Variants in SLC25A48 observed in about 807,000 individuals in gnomAD.
SLC25A48 encodes solute carrier family 25 member 48, also known as CTC-321K16.1.
In SLC25A48, 29 loss-of-function variants were observed where a neutral mutation model predicts 32.2. The observed-to-expected ratio is 0.90, with a 90% CI of 0.67 to 1.23. The LOEUF (loss-of-function observed/expected upper bound fraction) is 1.23, where lower values mean the gene tolerates loss of function less well. SLC25A48 is among the 50% of genes most tolerant of loss of function. SLC25A48 has a pLI of 0.00. For synonymous variants in SLC25A48, 164 were observed against 172.3 expected (o/e 0.95, Z 0.38); for missense variants, 399 against 422.7 (o/e 0.94, Z 0.49).
chr5:135,676,067 A>T (rs1392473757), intron 3 of SLC25A48, among the ~76,000 whole-genome samples: 1 of 151,888 alleles, frequency 6.6e-6, no homozygotes, highest in Non-Finnish European at 1.5e-5. Flanking sequence ...ATCCTGCAAC[A>T]TTACTGAATT....
intron 3 of SLC25A48, among the ~76,000 whole-genome samples, chr5:135,811,650 A>G (rs1356723746): frequency 6.6e-6 from 1 of 152,244 alleles, no homozygotes; most frequent in Admixed American, 6.5e-5. Context: ...ATCAGGTTTT[A>G]CATAATACAG....
At chr5:135,772,764 C>A (rs1396140044) in intron 3 of SLC25A48, among the ~76,000 whole-genome samples, 1 of 150,558 alleles carries the variant, frequency 6.6e-6, no homozygotes, top group Non-Finnish European at 1.5e-5. Flanking sequence ...TTCGTAATAT[C>A]CAAGAGAGGA....
At chr5:135,852,442 C>T (rs1759949008) in intron 3 of SLC25A48, 121 bp from the exon 4 acceptor site, 3 of 1,260,794 alleles carry the variant, frequency 2.4e-6, no homozygotes, top group Non-Finnish European at 3.3e-6. Context: ...CATCAGCACC[C>T]TCTTCCCCTC....
chr5:135,691,201 A>C (rs1754135930), intron 3 of SLC25A48, among the ~76,000 whole-genome samples: 1 of 152,180 alleles, frequency 6.6e-6, no homozygotes, highest in African/African-American at 2.4e-5. Flanking sequence ...GCAATTAAGC[A>C]CTCCCAGGGT....
intron 3 of SLC25A48, among the ~76,000 whole-genome samples, chr5:135,710,138 G>T (rs1754619396): frequency 6.6e-6 from 1 of 152,228 alleles, no homozygotes; most frequent in African/African-American, 2.4e-5. Context: ...GTGTGTCACT[G>T]CTGCCTTGGT....
At chr5:135,650,487 G>A (rs947205653) in intron 3 of SLC25A48, 1 of 455,262 alleles carries the variant, frequency 2.2e-6, no homozygotes, top group African/African-American at 2.0e-5. Flanking sequence ...GGAGGGTGCT[G>A]CCTTGGAGAA....
At chr5:135,599,564 G>A (rs1383087223) in intron 1 of SLC25A48, among the ~76,000 whole-genome samples, 1 of 152,202 alleles carries the variant, frequency 6.6e-6, no homozygotes, top group Non-Finnish European at 1.5e-5. Context: ...GGAAGCAGGA[G>A]TGGGCTGCTG....
intron 1 of SLC25A48, among the ~76,000 whole-genome samples, chr5:135,840,671 G>A (rs73789201): frequency 0.051 from 7,703 of 152,220 alleles, 427 homozygotes; most frequent in African/African-American, 0.14. Context: ...ACAATACCTT[G>A]CCTTTTGTGT....
intron 3 of SLC25A48, among the ~76,000 whole-genome samples, chr5:135,747,310 C>T (rs142396346): frequency 2.8e-5 from 4 of 143,322 alleles, no homozygotes; most frequent in South Asian, 2.2e-4. Flanking sequence ...TCTTTTTTTT[C>T]TTTCCTTTTT....
chr5:135,790,194 T>A (rs185632468), intron 3 of SLC25A48, among the ~76,000 whole-genome samples: 213 of 152,000 alleles, frequency 1.4e-3, no homozygotes, highest in Non-Finnish European at 2.5e-3. Context: ...TTCATAATAA[T>A]CTAGGGGGAT....
intron 1 of SLC25A48, among the ~76,000 whole-genome samples, chr5:135,613,058 G>A (rs116633284): frequency 0.017 from 2,548 of 152,112 alleles, 70 homozygotes; most frequent in African/African-American, 0.058. Context: ...TATGAGTACC[G>A]TTTTTTCCAT....
intron 3 of SLC25A48, among the ~76,000 whole-genome samples, chr5:135,728,435 A>G (rs1451735848): frequency 6.6e-6 from 1 of 152,014 alleles, no homozygotes; most frequent in Non-Finnish European, 1.5e-5. Flanking sequence ...GAATATGATG[A>G]CCCTTTTTCC....
intron 3 of SLC25A48, 151 bp from the exon 4 acceptor site, chr5:135,852,412 C>T: frequency 2.1e-6 from 2 of 953,264 alleles, no homozygotes; most frequent in Non-Finnish European, 1.5e-6. Context: ...GAGTGGTTCC[C>T]CACCCCCTAC....
intron 3 of SLC25A48, among the ~76,000 whole-genome samples, chr5:135,719,741 G>A (rs953984599): frequency 1.3e-5 from 2 of 152,148 alleles, no homozygotes; most frequent in Admixed American, 6.5e-5. Context: ...CCCTGAGGTG[G>A]GCTGAGAAGG....
intron 1 of SLC25A48, among the ~76,000 whole-genome samples, chr5:135,601,537 C>T (rs1359252998): frequency 6.6e-6 from 1 of 152,220 alleles, no homozygotes; most frequent in Non-Finnish European, 1.5e-5. Flanking sequence ...AAGTGTCACT[C>T]TCCCCTCTCT....
chr5:135,592,623 T>G (rs946259938), intron 1 of SLC25A48, among the ~76,000 whole-genome samples: 1 of 151,952 alleles, frequency 6.6e-6, no homozygotes, highest in Non-Finnish European at 1.5e-5. Context: ...GGAAGGCAAG[T>G]CAGGAATGAG....
chr5:135,859,826 A>T (rs1760638697), intron 4 of SLC25A48, among the ~76,000 whole-genome samples: 1 of 152,206 alleles, frequency 6.6e-6, no homozygotes, highest in African/African-American at 2.4e-5. Flanking sequence ...GCCTGAAAAG[A>T]TACCTCAAAG....
chr5:135,787,836 T>G (rs945145675), intron 3 of SLC25A48, among the ~76,000 whole-genome samples: 12 of 151,934 alleles, frequency 7.9e-5, no homozygotes, highest in Non-Finnish European at 7.4e-5. Flanking sequence ...TTGATATTAT[T>G]CTTAATATCC....
chr5:135,867,392 T>G (rs1178565004), intron 4 of SLC25A48, among the ~76,000 whole-genome samples: 2 of 152,194 alleles, frequency 1.3e-5, no homozygotes, highest in Non-Finnish European at 2.9e-5. Flanking sequence ...AAATCAGCTT[T>G]TAAGAGTCAT....
Sources: gnomAD v4.1 joint callset for allele counts (sites outside exome capture counted in the v4.1 genomes callset) on GRCh38, gnomAD v4.1.1 for gene constraint, MANE v1.5 for transcripts, NCBI Gene and HGNC (gene_info 2026-07-23, HGNC 2026-07-21) for gene names.